The following NPAS3 variants were observed in gnomAD, a reference collection of about 807,000 sequenced individuals.
NPAS3 encodes the protein neuronal PAS domain-containing protein 3.
In NPAS3, 14 loss-of-function variants were observed where a neutral mutation model predicts 73.1. That is an observed-to-expected ratio of 0.19 (90% CI 0.13 to 0.30). The LOEUF is 0.30. Ranked by LOEUF, NPAS3 falls within the 10% of genes least tolerant of loss-of-function variation. The pLI, the probability that NPAS3 is intolerant of heterozygous loss-of-function variation, is 1.00. For synonymous variants in NPAS3, 620 were observed against 541.5 expected, an observed-to-expected ratio of 1.14 and a Z score of -2.01; for missense variants, 1,096 against 1,250.0, an observed-to-expected ratio of 0.88 and a Z score of 1.86.
chr14:33,151,766 G>T (rs1161081479), intron 2 of NPAS3, among the ~76,000 whole-genome samples: 1 of 152,100 alleles, frequency 6.6e-6, no homozygotes, highest in African/African-American at 2.4e-5. Flanking sequence ...CCTTTGAAAT[G>T]TAAGATTATT....
chr14:33,628,504 A>G (rs1255974899), intron 5 of NPAS3, among the ~76,000 whole-genome samples: 1 of 152,220 alleles, frequency 6.6e-6, no homozygotes, highest in African/African-American at 2.4e-5. Flanking sequence ...TTTCTGCTGC[A>G]GAGTTTGAAA....
intron 4 of NPAS3, among the ~76,000 whole-genome samples, chr14:33,512,042 A>G (rs2053079901): frequency 6.6e-6 from 1 of 152,038 alleles, no homozygotes; most frequent in Non-Finnish European, 1.5e-5. Flanking sequence ...CCAATTTTGA[A>G]CAGTCTTGCA....
At position 33,374,707 on chromosome 14, in the gene NPAS3, G is replaced by T. The variant is rs1315143; in HGVS notation, c.468+7439G>T. On this transcript the variant is annotated intron_variant, in intron 4 of 11. Coordinates refer to ENST00000356141, the Ensembl canonical transcript of NPAS3. ...ACAATGTTGGGGTGTGTCGGGGCGG[G>T]GGGGGGAGTAGAGAATGCCAAATCT... 9.9e-3 allele frequency among the ~76,000 whole-genome samples: 1,336 copies of T among 135,474 alleles called. 10 individuals carry two copies. Among genetic ancestry groups the T allele is most frequent in the Non-Finnish European group, 0.012 (754 of 63,338 alleles). The allele number at this position is 135,474 out of a possible 152,430, so 88.9% of individuals were successfully genotyped here. A position where few individuals can be genotyped will look rare whatever the true frequency, so the allele number is the denominator to read the frequency against.
At chr14:33,750,225 T>C (rs958467935) in intron 7 of NPAS3, among the ~76,000 whole-genome samples, 1 of 152,074 alleles carries the variant, frequency 6.6e-6, no homozygotes, top group Non-Finnish European at 1.5e-5. Context: ...CTTTTTTTTT[T>C]TTTCTTACAG....
At chr14:33,215,504 T>G in intron 3 of NPAS3, 78 bp downstream of exon 3, 1 of 1,501,242 alleles carries the variant, frequency 6.7e-7, no homozygotes, top group Non-Finnish European at 9.3e-7. Flanking sequence ...CCATCATCCT[T>G]TCTTCTTTTC....
At chr14:33,192,897 C>G (rs2046222087) in intron 2 of NPAS3, among the ~76,000 whole-genome samples, 1 of 152,118 alleles carries the variant, frequency 6.6e-6, no homozygotes, top group African/African-American at 2.4e-5. Context: ...TTAAGTGGCA[C>G]CTTCTGTGTT....
At chr14:33,603,994 T>C (rs2057477948) in intron 5 of NPAS3, among the ~76,000 whole-genome samples, 1 of 151,534 alleles carries the variant, frequency 6.6e-6, no homozygotes, top group African/African-American at 2.4e-5. Flanking sequence ...AGATTTATAA[T>C]ATGAGCCCTA....
chr14:33,012,610 G>A (rs1011884231), intron 1 of NPAS3, among the ~76,000 whole-genome samples: 7 of 151,054 alleles, frequency 4.6e-5, no homozygotes, highest in African/African-American at 1.7e-4. Flanking sequence ...GTACAGTGGC[G>A]CGATCTCGGC....
chr14:33,592,432 A>T (rs2057101386), intron 5 of NPAS3, among the ~76,000 whole-genome samples: 1 of 152,208 alleles, frequency 6.6e-6, no homozygotes, highest in Non-Finnish European at 1.5e-5. Flanking sequence ...AAGCAGAGCC[A>T]TATGTGATTG....
intron 1 of NPAS3, among the ~76,000 whole-genome samples, chr14:32,952,167 G>A (rs1416460570): frequency 6.6e-6 from 1 of 151,934 alleles, no homozygotes; most frequent in Non-Finnish European, 1.5e-5. Context: ...TATAGCTCTT[G>A]TCAGTAATAA....
intron 5 of NPAS3, among the ~76,000 whole-genome samples, chr14:33,660,220 C>T (rs976288805): frequency 2.0e-5 from 3 of 152,178 alleles, no homozygotes; most frequent in Non-Finnish European, 4.4e-5. Context: ...TGTGTTCTCT[C>T]ATGAAGTCCC....
chr14:33,207,084 G>C lies in NPAS3; in HGVS notation c.141-8098G>C, dbSNP rs191748524. On this transcript the variant is annotated intron_variant, in intron 2 of 11. Transcript: ENST00000356141. ...CTAAACTTGCGACCTGAAGAGAGCA[G>C]TGCAGGGAATTGCTGCTTTCTCACT... is the stretch of plus-strand genomic sequence containing the variant. 3.3e-5 allele frequency among the ~76,000 whole-genome samples: 5 copies of C among 152,334 alleles called. No individual in the cohort carries two copies. In the East Asian group the frequency reaches 9.6e-4, roughly 29 times the overall value.
At chr14:33,678,365 T>TCCTAGCTTCG (rs2059829524) in intron 6 of NPAS3, among the ~76,000 whole-genome samples, 1 of 147,894 alleles carries the variant, frequency 6.8e-6, no homozygotes, top group Admixed American at 6.7e-5. Flanking sequence ...TTCTTCCCTA[T>TCCTAGCTTCG]CCTAGCTTCT....
chr14:33,764,504 G>C (rs1270272410), intron 7 of NPAS3, among the ~76,000 whole-genome samples: 2 of 152,216 alleles, frequency 1.3e-5, no homozygotes, highest in Non-Finnish European at 2.9e-5. Context: ...CATCAATGTA[G>C]TACAGTACTT....
chr14:33,264,470 A>T (rs1175885920), intron 3 of NPAS3, among the ~76,000 whole-genome samples: 1 of 152,194 alleles, frequency 6.6e-6, no homozygotes, highest in African/African-American at 2.4e-5. Flanking sequence ...ATCCAGACAG[A>T]TGTTTTAAAG....
chr14:33,241,092 G>T (rs558425619), intron 3 of NPAS3, among the ~76,000 whole-genome samples: 5 of 151,928 alleles, frequency 3.3e-5, no homozygotes, highest in African/African-American at 1.2e-4. Flanking sequence ...AGTGCTTCTG[G>T]TTGAGACATT....
At chr14:33,605,474 A>C (rs2140018582) in intron 5 of NPAS3, among the ~76,000 whole-genome samples, 1 of 152,178 alleles carries the variant, frequency 6.6e-6, no homozygotes, top group African/African-American at 2.4e-5. Context: ...AATCCATAAA[A>C]GACTACTAGA....
At chr14:33,609,726 G>A (rs1015159975) in intron 5 of NPAS3, among the ~76,000 whole-genome samples, 10 of 151,858 alleles carry the variant, frequency 6.6e-5, no homozygotes, top group Admixed American at 5.9e-4. Context: ...GCAGCACCAG[G>A]GGCTAATTCT....
chr14:33,051,923 C>A (rs2040725186), intron 1 of NPAS3, among the ~76,000 whole-genome samples: 1 of 152,066 alleles, frequency 6.6e-6, no homozygotes, highest in African/African-American at 2.4e-5. Flanking sequence ...CCATGCCTGG[C>A]TAATTTTTTG....
Sources: gnomAD v4.1 joint callset for allele counts (sites outside exome capture counted in the v4.1 genomes callset) on GRCh38, gnomAD v4.1.1 for gene constraint, MANE v1.5 for transcripts, NCBI Gene and HGNC (gene_info 2026-07-23, HGNC 2026-07-21) for gene names.